The following SEMA3D variants were observed in gnomAD, a reference collection of about 807,000 sequenced individuals.
SEMA3D encodes the protein semaphorin-3D.
A neutral mutation model predicts 100.1 loss-of-function variants in SEMA3D; 84 were observed. The observed-to-expected ratio is 0.84, with a 90% CI of 0.70 to 1.01. The LOEUF is 1.01. Ranked by LOEUF, SEMA3D falls within the 50% of genes least tolerant of loss-of-function variation. The pLI is 0.00. For synonymous variants in SEMA3D, 312 were observed against 320.7 expected (o/e 0.97, Z 0.29); for missense variants, 875 against 934.1 (o/e 0.94, Z 0.82).
At chr7:85,125,195 C>G (rs1263698121) in intron 2 of SEMA3D, among the ~76,000 whole-genome samples, 1 of 151,756 alleles carries the variant, frequency 6.6e-6, no homozygotes, top group South Asian at 2.1e-4. Flanking sequence ...ATGCATGTAA[C>G]GTGAATGTAT....
At chr7:85,234,982 C>A in the SEMA3D span, among the ~76,000 whole-genome samples, 1 of 152,118 alleles carries the variant, frequency 6.6e-6, no homozygotes, top group African/African-American at 2.4e-5. Flanking sequence ...AATTTCTCAG[C>A]AGCTTGGGGA....
chr7:85,139,823 A>C (rs1160195046), intron 2 of SEMA3D, among the ~76,000 whole-genome samples: 2 of 149,718 alleles, frequency 1.3e-5, no homozygotes, highest in Non-Finnish European at 3.0e-5. Flanking sequence ...TGACTATATT[A>C]AGATGTACAT....
intron 8 of SEMA3D, among the ~76,000 whole-genome samples, chr7:85,064,350 G>T (rs1037848063): frequency 6.6e-6 from 1 of 152,330 alleles, no homozygotes; most frequent in Non-Finnish European, 1.5e-5. Flanking sequence ...TTGCATGTGT[G>T]TTAAGAAATT....
intron 3 of SEMA3D, among the ~76,000 whole-genome samples, chr7:85,115,991 T>A (rs376241844): frequency 1.2e-4 from 19 of 152,204 alleles, no homozygotes; most frequent in African/African-American, 4.6e-4. Context: ...GTGTTTCATG[T>A]TTTTAGCTAT....
At chr7:85,183,951 ACCATGGGATT>A (rs982318390) in intron 1 of SEMA3D, among the ~76,000 whole-genome samples, 3 of 152,098 alleles carry the variant, frequency 2.0e-5, no homozygotes, top group Admixed American at 6.6e-5. Context: ...TCTTAATACA[ACCATGGGATT>A]TCTGTTTGAT....
At chr7:85,055,649 T>C (rs1335302353) in intron 9 of SEMA3D, 68 bp downstream of exon 9, 32 of 26,124 alleles carry the variant, frequency 1.2e-3, no homozygotes, top group African/African-American at 4.6e-3. Context: ...CATATACATA[T>C]ATATATATAT....
At chr7:85,077,282 A>G (rs933340322) in intron 5 of SEMA3D, among the ~76,000 whole-genome samples, 1 of 152,058 alleles carries the variant, frequency 6.6e-6, no homozygotes, top group Non-Finnish European at 1.5e-5. Flanking sequence ...TTAAAGAAAA[A>G]GATAGAAATG....
the SEMA3D span, among the ~76,000 whole-genome samples, chr7:85,224,313 C>A: frequency 2.0e-5 from 3 of 152,296 alleles, no homozygotes; most frequent in East Asian, 5.8e-4. Flanking sequence ...TGAATGCCTG[C>A]AGCAAATCTT....
chr7:85,005,152 C>T (rs186864068), intron 18 of SEMA3D, among the ~76,000 whole-genome samples: 218 of 151,972 alleles, frequency 1.4e-3, no homozygotes, highest in African/African-American at 4.9e-3. Flanking sequence ...AAGCAATTAT[C>T]CAACTTTATT....
At chr7:85,247,111 ACT>A in the SEMA3D span, among the ~76,000 whole-genome samples, 3 of 152,058 alleles carry the variant, frequency 2.0e-5, no homozygotes, top group Non-Finnish European at 4.4e-5. Flanking sequence ...ATTCAAACTT[ACT>A]AAAAATTTTC....
At chr7:85,111,168 A>T (rs1269620408) in intron 3 of SEMA3D, among the ~76,000 whole-genome samples, 1 of 152,042 alleles carries the variant, frequency 6.6e-6, no homozygotes, top group Non-Finnish European at 1.5e-5. Context: ...ACCAGAAGCC[A>T]ATCTTTTGAA....
At chr7:85,072,833 G>C in intron 6 of SEMA3D, 129 bp downstream of exon 6, 1 of 695,970 alleles carries the variant, frequency 1.4e-6, no homozygotes, top group Non-Finnish European at 2.3e-6. Context: ...GGCATTACAG[G>C]CAGGCACCTC....
the SEMA3D span, among the ~76,000 whole-genome samples, chr7:85,214,682 G>A: frequency 1.3e-5 from 2 of 152,050 alleles, no homozygotes; most frequent in South Asian, 4.1e-4. Flanking sequence ...TTTTAGTAGA[G>A]TTGGGGTTTC....
At chr7:85,130,389 A>C (rs1174467755) in intron 2 of SEMA3D, among the ~76,000 whole-genome samples, 1 of 152,216 alleles carries the variant, frequency 6.6e-6, no homozygotes, top group African/African-American at 2.4e-5. Flanking sequence ...ACATATGTTC[A>C]TGCATTCCAT....
intron 12 of SEMA3D, chr7:85,027,773 T>C: frequency 2.4e-6 from 1 of 411,710 alleles, no homozygotes. Context: ...AGCAGCAGCT[T>C]TTGGGGTTCT....
the SEMA3D span, among the ~76,000 whole-genome samples, chr7:85,229,181 GA>G: frequency 1.1e-4 from 17 of 151,976 alleles, no homozygotes; most frequent in East Asian, 3.3e-3. Context: ...CCATATTTTA[GA>G]AATCTTGAAA....
At chr7:85,180,894 G>A (rs2732757) in intron 1 of SEMA3D, among the ~76,000 whole-genome samples, 27,951 of 151,976 alleles carry the variant, frequency 0.18, 2,784 homozygotes, top group Non-Finnish European at 0.23. Context: ...GTTCATTTGC[G>A]CGGAGAAGTG....
intron 3 of SEMA3D, among the ~76,000 whole-genome samples, chr7:85,114,189 A>G (rs1241510261): frequency 1.3e-5 from 2 of 152,198 alleles, no homozygotes; most frequent in African/African-American, 2.4e-5. Context: ...TTGCCCCACC[A>G]TAACACAAAA....
At chr7:85,038,954 G>GA (rs1299704026) in intron 11 of SEMA3D, among the ~76,000 whole-genome samples, 1 of 152,058 alleles carries the variant, frequency 6.6e-6, no homozygotes, top group Non-Finnish European at 1.5e-5. Context: ...TTGTGCCACA[G>GA]AAAAAAGTTA....
Sources: gnomAD v4.1 joint callset for allele counts (sites outside exome capture counted in the v4.1 genomes callset) on GRCh38, gnomAD v4.1.1 for gene constraint, MANE v1.5 for transcripts, NCBI Gene and HGNC (gene_info 2026-07-23, HGNC 2026-07-21) for gene names.